MEF2D: variants seen among roughly 807,000 people sequenced by gnomAD.
MEF2D encodes the protein myocyte enhancer factor 2D, also known as myocyte-specific enhancer factor 2D.
A neutral mutation model predicts 59.3 loss-of-function variants in MEF2D; 10 were observed. The ratio of observed to expected loss-of-function variants is 0.17; its 90% CI spans 0.10 to 0.29. The LOEUF is 0.29. MEF2D is among the 10% of genes least tolerant of loss of function. The probability of loss-of-function intolerance (pLI) is 1.00; values close to 1 mark genes in which losing one functional copy is unlikely to be tolerated. For synonymous variants in MEF2D, 305 were observed against 295.0 expected (o/e 1.03, Z -0.35); for missense variants, 508 against 699.4 (o/e 0.73, Z 3.09).
chr1:156,489,365 C>T (rs1259024477), intron 1 of MEF2D, among the ~76,000 whole-genome samples: 1 of 151,976 alleles, frequency 6.6e-6, no homozygotes, highest in African/African-American at 2.4e-5. Flanking sequence ...TGCTCACTAA[C>T]GAGGGAGGAG....
At chr1:156,489,826 G>A (rs1253743424) in intron 1 of MEF2D, among the ~76,000 whole-genome samples, 3 of 152,156 alleles carry the variant, frequency 2.0e-5, no homozygotes, top group Admixed American at 6.5e-5. Context: ...GGCAGCAGAG[G>A]TGAGGACCGA....
At chr1:156,489,912 C>A (rs761693011) in intron 1 of MEF2D, among the ~76,000 whole-genome samples, 1 of 152,204 alleles carries the variant, frequency 6.6e-6, no homozygotes, top group African/African-American at 2.4e-5. Flanking sequence ...GGTTCACAAC[C>A]TTCCTAGTCA....
At chr1:156,494,343 TCAACC>T (rs1673000604) in intron 1 of MEF2D, among the ~76,000 whole-genome samples, 1 of 152,080 alleles carries the variant, frequency 6.6e-6, no homozygotes, top group Admixed American at 6.5e-5. Context: ...CTCTCAACCC[TCAACC>T]CTAGGTATTT....
intron 8 of MEF2D, among the ~76,000 whole-genome samples, 177 bp downstream of exon 8, chr1:156,476,317 C>T (rs1373193188): frequency 6.6e-6 from 1 of 152,214 alleles, no homozygotes; most frequent in Admixed American, 6.5e-5. Context: ...ACCCCCACCC[C>T]ATTCACCTTT....
chr1:156,495,527 C>T (rs919115863), intron 1 of MEF2D, among the ~76,000 whole-genome samples: 5 of 151,932 alleles, frequency 3.3e-5, no homozygotes, highest in African/African-American at 4.8e-5. Flanking sequence ...GGTTTTTGGG[C>T]GGGGCACGAT....
chr1:156,492,715 CG>C (rs1672882841), intron 1 of MEF2D, among the ~76,000 whole-genome samples: 1 of 152,134 alleles, frequency 6.6e-6, no homozygotes, highest in Non-Finnish European at 1.5e-5. Flanking sequence ...GAGGTGGGGG[CG>C]GTTGGGACGG....
At chr1:156,483,584 T>A (rs1672162548) in intron 1 of MEF2D, among the ~76,000 whole-genome samples, 154 bp from the exon 2 acceptor site, 1 of 152,170 alleles carries the variant, frequency 6.6e-6, no homozygotes, top group Non-Finnish European at 1.5e-5. Context: ...CCTGAGGCAA[T>A]GGTATGCCAC....
Position 156,468,044 on chromosome 1 carries a change from T to C in MEF2D, c.1503A>G (p.Pro501=), listed in dbSNP as rs754632436. The change falls in exon 11 of 12, where the codon CCA becomes CCG. Residue 501 remains proline, a synonymous_variant. Transcript: ENST00000348159. The surrounding 1 kb of genome is among the most constrained non-coding windows in gnomAD (Gnocchi z 4.3). Reference sequence around the variant, plus strand: ...CAGCTGAGCCCTCAGCCTCAGGCTCTGGGGCTGGGCGCAGCAGGCCCAGTG... The same window carrying C: ...CAGCTGAGCCCTCAGCCTCAGGCTCCGGGGCTGGGCGCAGCAGGCCCAGTG... ...GPTLGLLRPA[P]EPEAEGSAVK... 4.5e-5 allele frequency: 72 copies of C among 1,613,866 alleles called. 1 individual carries two copies. In the South Asian group the frequency reaches 7.9e-4, roughly 18 times the overall value.
At chr1:156,479,256 C>T (rs746704921) in intron 6 of MEF2D, 34 bp downstream of exon 6, 2 of 1,581,024 alleles carry the variant, frequency 1.3e-6, no homozygotes, top group South Asian at 2.3e-5. Flanking sequence ...GGGCACCCCT[C>T]CCCACCTCCA....
At chr1:156,479,427 G>T in intron 5 of MEF2D, 81 bp from the exon 6 acceptor site, 1 of 1,522,986 alleles carries the variant, frequency 6.6e-7, no homozygotes, top group East Asian at 2.4e-5. Flanking sequence ...ATGAAGAGGG[G>T]ACCCCAGGAG....
At chr1:156,469,083 G>C in intron 9 of MEF2D, 63 bp from the exon 10 acceptor site, 1 of 1,538,784 alleles carries the variant, frequency 6.5e-7, no homozygotes, top group Admixed American at 1.9e-5. Context: ...TCCTATGAGG[G>C]AGCTGCCTCC....
At chr1:156,495,686 T>G (rs1224989011) in intron 1 of MEF2D, among the ~76,000 whole-genome samples, 2 of 133,452 alleles carry the variant, frequency 1.5e-5, no homozygotes, top group Admixed American at 1.8e-4. Context: ...AAAGTTGTGG[T>G]TTTTGGTCTT....
intron 11 of MEF2D, 123 bp from the exon 12 acceptor site, chr1:156,467,779 GAA>G (rs1194161994): frequency 8.9e-7 from 1 of 1,128,846 alleles, no homozygotes; most frequent in Non-Finnish European, 1.2e-6. Context: ...GTGAGGGGAA[GAA>G]GTCATCGAGC....
intron 9 of MEF2D, among the ~76,000 whole-genome samples, chr1:156,474,310 A>T (rs1423567932): frequency 6.6e-6 from 1 of 152,178 alleles, no homozygotes. Context: ...TTAGCTGGGC[A>T]TGGTGGCGCA....
chr1:156,485,710 T>G (rs1672315601), intron 1 of MEF2D, among the ~76,000 whole-genome samples: 1 of 151,364 alleles, frequency 6.6e-6, no homozygotes, highest in Non-Finnish European at 1.5e-5. Context: ...TCTTTTTTTT[T>G]TTTTTGGTAG....
Position 156,468,662 on chromosome 1 carries a change from A to C in MEF2D, c.1247+118T>G. ...TGTTGCCTAACAGACTGTGCAGTGC[A>C]CAGCCTCATAGGATGTCCACTAGAA... On this transcript the variant is annotated intron_variant, in intron 10 of 11. Coordinates refer to ENST00000348159, the MANE Select transcript of MEF2D (RefSeq NM_005920.4). This position sits in a 1 kb window ranked among gnomAD's most constrained non-coding sequence, Gnocchi z 4.3. 1 of 1,493,714 alleles carries C rather than the reference A, an allele frequency of 6.7e-7. No individual in the cohort carries two copies. The highest frequency in any genetic ancestry group is 9.0e-7 in the Non-Finnish European group (1 of 1,107,212). 92.5% of individuals were successfully genotyped at this position (1,493,714 alleles called of 1,614,324 possible). A position where few individuals can be genotyped will look rare whatever the true frequency, so the allele number is the denominator to read the frequency against.
At chr1:156,500,004 C>A (rs1177479858) in intron 1 of MEF2D, among the ~76,000 whole-genome samples, 1 of 152,156 alleles carries the variant, frequency 6.6e-6, no homozygotes, top group Admixed American at 6.5e-5. Context: ...ACCCTCCCGC[C>A]GCCCTCCCAG....
At position 156,475,596 on chromosome 1, in the gene MEF2D, T is replaced by C. The variant is rs181694054; in HGVS notation, c.877-359A>G. On this transcript the variant is annotated intron_variant, in intron 8 of 11. Coordinates refer to ENST00000348159, the MANE Select transcript of MEF2D (RefSeq NM_005920.4). ...GGAGCCCACTCTCCATCCATCACAC[T>C]GCAGCACACGCCCCGGCAGAGGCGT... Among the ~76,000 whole-genome samples, 80 of 152,344 alleles carry C rather than the reference T, an allele frequency of 5.3e-4. No homozygotes were observed. In the East Asian group the frequency reaches 0.015, roughly 29 times the overall value.
intron 1 of MEF2D, among the ~76,000 whole-genome samples, chr1:156,488,104 G>A (rs1672489558): frequency 6.6e-6 from 1 of 152,236 alleles, no homozygotes; most frequent in Non-Finnish European, 1.5e-5. Flanking sequence ...CAAGGCTCTG[G>A]CTGATTGACT....
Sources: allele counts gnomAD v4.1 joint callset (sites outside exome capture counted in the v4.1 genomes callset), GRCh38; gene constraint gnomAD v4.1.1; non-coding constraint Gnocchi (gnomAD v3.1); transcripts MANE v1.5; gene names NCBI Gene and HGNC (gene_info 2026-07-23, HGNC 2026-07-21).